Variants in EDNRB observed in about 807,000 individuals in gnomAD.
The protein encoded by EDNRB is Hirschsprung disease 2.
Under a neutral mutation model 46.4 loss-of-function variants are expected in EDNRB, and 18 were observed. The observed-to-expected ratio is 0.39, with a 90% CI of 0.27 to 0.57. EDNRB has a LOEUF of 0.57. EDNRB is among the 20% of genes least tolerant of loss of function. EDNRB has a pLI of 0.61. For synonymous variants in EDNRB, 213 were observed against 204.9 expected (o/e 1.04, Z -0.34); for missense variants, 434 against 537.5 (o/e 0.81, Z 1.90).
intron 1 of EDNRB, among the ~76,000 whole-genome samples, chr13:77,974,108 A>T (rs1881815109): frequency 6.6e-6 from 1 of 152,110 alleles, no homozygotes; most frequent in Non-Finnish European, 1.5e-5. Context: ...TGGGATTTTA[A>T]TTATCTTTTG....
intron 1 of EDNRB, among the ~76,000 whole-genome samples, chr13:77,964,077 T>C (rs1043419417): frequency 1.4e-4 from 22 of 152,258 alleles, no homozygotes; most frequent in African/African-American, 5.3e-4. Flanking sequence ...TGAGATACCA[T>C]CTCACACCAG....
chr13:77,936,207 A>G (rs1351256377), intron 1 of EDNRB, among the ~76,000 whole-genome samples: 1 of 152,032 alleles, frequency 6.6e-6, no homozygotes, highest in Admixed American at 6.6e-5. Flanking sequence ...GATGTGAAGG[A>G]GGCTTTGAAC....
chr13:77,906,750 G>C (rs1879301123), intron 1 of EDNRB, among the ~76,000 whole-genome samples: 1 of 151,942 alleles, frequency 6.6e-6, no homozygotes, highest in African/African-American at 2.4e-5. Flanking sequence ...CTAAGCCAGG[G>C]CCACCCAACT....
At chr13:77,948,679 C>T (rs940000445) in intron 1 of EDNRB, among the ~76,000 whole-genome samples, 11 of 152,142 alleles carry the variant, frequency 7.2e-5, no homozygotes, top group Admixed American at 6.5e-4. Flanking sequence ...TACTCACATG[C>T]ACATGAGTTT....
At chr13:77,946,722 GTTT>G (rs71696806) in intron 1 of EDNRB, among the ~76,000 whole-genome samples, 9,679 of 152,242 alleles carry the variant, frequency 0.064, 382 homozygotes, top group Middle Eastern at 0.13. Context: ...ATGTAACAGT[GTTT>G]TTATTTCCCC....
chr13:77,910,700 C>A (rs1325591290), intron 1 of EDNRB, among the ~76,000 whole-genome samples: 2 of 151,962 alleles, frequency 1.3e-5, no homozygotes, highest in East Asian at 1.9e-4. Flanking sequence ...TTAGCTTATC[C>A]CCCAGGGGTG....
chr13:77,960,739 C>A (rs1881382975), intron 1 of EDNRB, among the ~76,000 whole-genome samples: 1 of 151,912 alleles, frequency 6.6e-6, no homozygotes, highest in Non-Finnish European at 1.5e-5. Context: ...AAGACACAGA[C>A]TGGCAAATTC....
intron 1 of EDNRB, among the ~76,000 whole-genome samples, chr13:77,974,541 A>C (rs1881827622): frequency 6.6e-6 from 1 of 152,144 alleles, no homozygotes; most frequent in African/African-American, 2.4e-5. Flanking sequence ...TTTTAAAGGA[A>C]TAGGGTACAC....
intron 1 of EDNRB, among the ~76,000 whole-genome samples, chr13:77,951,331 C>T (rs1269807243): frequency 6.6e-6 from 1 of 152,108 alleles, no homozygotes; most frequent in Non-Finnish European, 1.5e-5. Context: ...CCCCGATTAC[C>T]ATCTTAGTGC....
intron 1 of EDNRB, among the ~76,000 whole-genome samples, chr13:77,959,182 T>C (rs935947528): frequency 1.3e-5 from 2 of 152,318 alleles, no homozygotes; most frequent in Admixed American, 1.3e-4. Flanking sequence ...CTGACAGCTT[T>C]GAAGAGAGTA....
At chr13:77,972,634 C>G (rs1383010160) in intron 1 of EDNRB, among the ~76,000 whole-genome samples, 1 of 152,132 alleles carries the variant, frequency 6.6e-6, no homozygotes, top group Non-Finnish European at 1.5e-5. Context: ...GATAGAAGTA[C>G]TTTTCTGAAG....
At chr13:77,899,499 G>A (rs1490266838) in intron 6 of EDNRB, 7 of 199,728 alleles carry the variant, frequency 3.5e-5, no homozygotes, top group Non-Finnish European at 5.2e-5. Flanking sequence ...TTGCAGCTGC[G>A]AAGTTCAGAA....
chr13:77,966,807 A>C (rs1053706975), intron 1 of EDNRB, among the ~76,000 whole-genome samples: 3 of 152,148 alleles, frequency 2.0e-5, no homozygotes, highest in African/African-American at 7.2e-5. Context: ...GACTATGTGA[A>C]ATGATGACAT....
At chr13:77,938,072 G>A (rs1469351936) in intron 1 of EDNRB, among the ~76,000 whole-genome samples, 3 of 152,110 alleles carry the variant, frequency 2.0e-5, no homozygotes, top group Non-Finnish European at 2.9e-5. Flanking sequence ...AGAAAATAAG[G>A]CATTTAGGTT....
chr13:77,958,172 A>G (rs1881294625), intron 1 of EDNRB, among the ~76,000 whole-genome samples: 1 of 152,186 alleles, frequency 6.6e-6, no homozygotes, highest in African/African-American at 2.4e-5. Flanking sequence ...TTCACATGTC[A>G]GAGATTCATA....
intron 1 of EDNRB, among the ~76,000 whole-genome samples, chr13:77,917,127 G>A (rs1326069668): frequency 6.6e-6 from 1 of 152,016 alleles, no homozygotes; most frequent in Non-Finnish European, 1.5e-5. Context: ...AGTGCTCCTT[G>A]GTCTTGTCCA....
At chr13:77,911,489 A>G (rs745812684) in intron 1 of EDNRB, among the ~76,000 whole-genome samples, 1 of 152,072 alleles carries the variant, frequency 6.6e-6, no homozygotes, top group African/African-American at 2.4e-5. Flanking sequence ...TCCTTTCTGG[A>G]AACTACAATG....
rs1878681281 is a variant in EDNRB, at chr13:77,897,300, T to G, written c.*900A>C. The G allele has an allele frequency of 1.0e-6, 1 of 985,114 alleles. No homozygotes were observed. The highest frequency in any genetic ancestry group is 6.2e-5 in the Admixed American group (1 of 16,228). The allele number at this position is 985,114 out of a possible 1,614,324, so 61.0% of individuals were successfully genotyped here. A position where few individuals can be genotyped will look rare whatever the true frequency, so the allele number is the denominator to read the frequency against. On this transcript the variant is annotated 3_prime_UTR_variant, in exon 7 of 7. Transcript: ENST00000646607. ...AAACCAAACAGAGTTTAAGCTACGA[T>G]AGTGAAAGAAGAAGATTTTAATAAT... is the stretch of plus-strand genomic sequence containing the variant.
intron 1 of EDNRB, among the ~76,000 whole-genome samples, chr13:77,904,566 A>G (rs561584536): frequency 5.9e-5 from 9 of 151,868 alleles, no homozygotes; most frequent in African/African-American, 2.2e-4. Flanking sequence ...AGACATAGTT[A>G]TTGCTATTAT....
Sources: gnomAD v4.1 joint callset for allele counts (sites outside exome capture counted in the v4.1 genomes callset) on GRCh38, gnomAD v4.1.1 for gene constraint, MANE v1.5 for transcripts, NCBI Gene and HGNC (gene_info 2026-07-23, HGNC 2026-07-21) for gene names.